Variants in TBC1D22A observed in about 807,000 individuals in gnomAD.
TBC1D22A encodes the protein putative GTPase activator.
TBC1D22A carries 38 observed loss-of-function variants against 60.2 expected under a neutral mutation model. The observed-to-expected ratio is 0.63, with a 90% confidence interval of 0.49 to 0.83. The LOEUF (loss-of-function observed/expected upper bound fraction) is 0.83, where lower values mean the gene tolerates loss of function less well. Ranked by LOEUF, TBC1D22A falls within the 40% of genes least tolerant of loss-of-function variation. The pLI is 0.00. For missense variants in TBC1D22A, 628 were observed against 701.0 expected (o/e 0.90, Z 1.18); for synonymous variants, 302 against 281.7 (o/e 1.07, Z -0.72).
Position 47,111,536 on chromosome 22 carries a change from A to G in TBC1D22A, c.1358A>G (p.His453Arg). 2.5e-6 allele frequency: 4 copies of G among 1,613,908 alleles called. No homozygotes were observed. Among genetic ancestry groups the G allele is most frequent in the Non-Finnish European group, 3.4e-6 (4 of 1,180,000 alleles). The change falls in exon 12 of 13, where the codon CAC becomes CGC. Residue 453 changes from histidine to arginine, a missense_variant. Coordinates refer to ENST00000337137, the MANE Select transcript of TBC1D22A (RefSeq NM_014346.5). ...GAACCGGACGGCTTTTCTCATTTCC[A>G]CTTGTACGTGTGCGCTGCTTTTCTC... ...QSEPDGFSHF[H>R]LYVCAAFLVR...
chr22:46,899,520 G>A (rs914780280), intron 7 of TBC1D22A, among the ~76,000 whole-genome samples: 4 of 152,244 alleles, frequency 2.6e-5, no homozygotes, highest in East Asian at 3.9e-4. Context: ...TTGTAGAGGT[G>A]CAGAGGTTAG....
At position 46,974,393 on chromosome 22, in the gene TBC1D22A, C is replaced by T. The variant is rs754133395; in HGVS notation, c.1119C>T (p.Gly373=). Residue 373 remains glycine, a synonymous_variant, in exon 9 of 13, where the codon GGC becomes GGT. Transcript: ENST00000337137. ...GGTGCATGAGCAAGCTGCTGGATGGCATTCAGGTGAGCGCCCGCGCCCACG... is the reference window on the plus strand; with the variant it reads ...GGTGCATGAGCAAGCTGCTGGATGGTATTCAGGTGAGCGCCCGCGCCCACG... ...TYWCMSKLLD[G]IQDNYTFAQP... The T allele has an allele frequency of 9.9e-6, 16 of 1,610,006 alleles. No individual in the cohort carries two copies. The highest frequency in any genetic ancestry group is 3.3e-5 in the South Asian group (3 of 90,156).
chr22:47,089,669 C>G (rs992272489), intron 11 of TBC1D22A, among the ~76,000 whole-genome samples: 2 of 152,144 alleles, frequency 1.3e-5, no homozygotes, highest in African/African-American at 2.4e-5. Context: ...TCTTAAAGAT[C>G]CTGTCTTGTT....
chr22:46,944,691 C>T (rs966708991), intron 8 of TBC1D22A, among the ~76,000 whole-genome samples: 18 of 152,198 alleles, frequency 1.2e-4, no homozygotes, highest in Admixed American at 9.8e-4. Context: ...AGCCACCGTG[C>T]CCAGCCTGTA....
At chr22:46,994,525 C>T (rs2075053722) in intron 9 of TBC1D22A, among the ~76,000 whole-genome samples, 1 of 152,256 alleles carries the variant, frequency 6.6e-6, no homozygotes, top group South Asian at 2.1e-4. Context: ...CATCAGGGAC[C>T]TGGACAGCCA....
At chr22:46,938,968 G>C (rs917517132) in intron 8 of TBC1D22A, among the ~76,000 whole-genome samples, 1 of 151,666 alleles carries the variant, frequency 6.6e-6, no homozygotes, top group African/African-American at 2.4e-5. Flanking sequence ...TGTGATAGTG[G>C]AATAAACCAT....
At chr22:47,067,884 T>G (rs2063830678) in intron 11 of TBC1D22A, among the ~76,000 whole-genome samples, 2 of 152,252 alleles carry the variant, frequency 1.3e-5, no homozygotes, top group Admixed American at 1.3e-4. Context: ...CTTGTCTGTC[T>G]GTCGACCACC....
intron 8 of TBC1D22A, among the ~76,000 whole-genome samples, chr22:46,942,447 C>A (rs189320131): frequency 6.6e-6 from 1 of 152,234 alleles, no homozygotes; most frequent in East Asian, 1.9e-4. Context: ...CTGGTCACAG[C>A]GTTTCAGCTG....
rs530047484 is a variant in TBC1D22A, at chr22:46,991,615, G to A, written c.1126-6019G>A. Reference sequence around the variant, plus strand: ...TTGCCTGGATTACGGCAGTTGCCTCGTGAATGATACCCCTCCATCCTCATT... The same window carrying A: ...TTGCCTGGATTACGGCAGTTGCCTCATGAATGATACCCCTCCATCCTCATT... On this transcript the variant is annotated intron_variant, in intron 9 of 12. Coordinates refer to ENST00000337137, the MANE Select transcript of TBC1D22A (RefSeq NM_014346.5). 4.3e-4 allele frequency among the ~76,000 whole-genome samples: 65 copies of A among 152,342 alleles called. 1 individual carries two copies. Among genetic ancestry groups the A allele is most frequent in the African/African-American group, 1.3e-3 (56 of 41,578 alleles).
rs112609512 is a variant in TBC1D22A, at chr22:46,853,109, A to G, written c.638-25544A>G. Among the ~76,000 whole-genome samples the G allele has an allele frequency of 2.5e-3, 380 of 152,206 alleles. 1 individual carries two copies. Among genetic ancestry groups the G allele is most frequent in the African/African-American group, 8.6e-3 (358 of 41,518 alleles). On this transcript the variant is annotated intron_variant, in intron 4 of 12. Transcript: ENST00000337137. ...TTAGCAGGCAGTTGTCTATGGAGAG[A>G]TGGGGGCCTGAGAGGATGACGGGGC... is the stretch of plus-strand genomic sequence containing the variant.
At chr22:47,053,495 C>A (rs1226873130) in intron 11 of TBC1D22A, among the ~76,000 whole-genome samples, 1 of 152,224 alleles carries the variant, frequency 6.6e-6, no homozygotes, top group African/African-American at 2.4e-5. Flanking sequence ...GTGCTGCTCC[C>A]CAGTGCCCTT....
At chr22:47,159,094 C>T (rs901186201) in intron 12 of TBC1D22A, among the ~76,000 whole-genome samples, 2 of 150,690 alleles carry the variant, frequency 1.3e-5, no homozygotes, top group Non-Finnish European at 3.0e-5. Context: ...CATGTATACA[C>T]ACAGATAACA....
At chr22:46,911,970 G>A in intron 7 of TBC1D22A, 104 bp from the exon 8 acceptor site, 1 of 721,472 alleles carries the variant, frequency 1.4e-6, no homozygotes, top group Non-Finnish European at 2.4e-6. Context: ...AATATTAGGA[G>A]CAATGAGAAA....
intron 12 of TBC1D22A, among the ~76,000 whole-genome samples, chr22:47,111,889 G>A (rs549310689): frequency 2.6e-5 from 4 of 152,218 alleles, no homozygotes; most frequent in Non-Finnish European, 5.9e-5. Flanking sequence ...CCCCTCAGCA[G>A]CACGACCCCT....
chr22:46,929,175 T>G (rs2147879931), intron 8 of TBC1D22A, among the ~76,000 whole-genome samples: 1 of 152,360 alleles, frequency 6.6e-6, no homozygotes. Context: ...AATTGGCAGC[T>G]TCCTATCGAC....
At chr22:47,146,509 A>C (rs1471401331) in intron 12 of TBC1D22A, among the ~76,000 whole-genome samples, 2 of 152,232 alleles carry the variant, frequency 1.3e-5, no homozygotes, top group Admixed American at 1.3e-4. Context: ...GGCAACTGTT[A>C]TCTCTAATGT....
chr22:46,821,053 C>G (rs1455795443), intron 4 of TBC1D22A, among the ~76,000 whole-genome samples: 3 of 123,960 alleles, frequency 2.4e-5, no homozygotes, highest in Admixed American at 8.2e-5. Context: ...GCAACCCCTG[C>G]TTTTTTTTTT....
In TBC1D22A at chr22:46,762,697, G is replaced by C; in HGVS notation, c.-90G>C. The C allele has an allele frequency of 1.7e-6, 2 of 1,187,256 alleles. No homozygotes were observed. The highest frequency in any genetic ancestry group is 4.0e-5 in the South Asian group (2 of 49,920). 73.5% of individuals were successfully genotyped at this position (1,187,256 alleles called of 1,614,324 possible). ...CTCTGGAGTCCCGGGAGCAGTGAGGGGCCACCCGGGGCACAGGAAAGGGCC... is the reference window on the plus strand; with the variant it reads ...CTCTGGAGTCCCGGGAGCAGTGAGGCGCCACCCGGGGCACAGGAAAGGGCC... On this transcript the variant is annotated 5_prime_UTR_variant, in exon 1 of 13. Coordinates refer to ENST00000337137, the MANE Select transcript of TBC1D22A (RefSeq NM_014346.5).
At chr22:46,841,417 C>T (rs1602104675) in intron 4 of TBC1D22A, among the ~76,000 whole-genome samples, 1 of 152,176 alleles carries the variant, frequency 6.6e-6, no homozygotes, top group African/African-American at 2.4e-5. Flanking sequence ...CCTCCAGAAT[C>T]GTGAGAAAAA....
Sources: allele counts gnomAD v4.1 joint callset (sites outside exome capture counted in the v4.1 genomes callset), GRCh38; gene constraint gnomAD v4.1.1; transcripts MANE v1.5; gene names NCBI Gene and HGNC (gene_info 2026-07-23, HGNC 2026-07-21).